The following MAST1 variants were observed in gnomAD, a reference collection of about 807,000 sequenced individuals.
The protein encoded by MAST1 is microtubule associated serine/threonine kinase 1.
Under a neutral mutation model 124.6 loss-of-function variants are expected in MAST1, and 40 were observed. The observed-to-expected ratio is 0.32, with a 90% CI of 0.25 to 0.42. The LOEUF (loss-of-function observed/expected upper bound fraction) is 0.42. Among genes scored for constraint, MAST1 ranks in the 10% least tolerant of loss-of-function variants. The pLI is 1.00. For missense variants in MAST1, 1,558 were observed against 2,181.9 expected, an observed-to-expected ratio of 0.71 and a Z score of 5.70; for synonymous variants, 938 against 939.4, an observed-to-expected ratio of 1.00 and a Z score of 0.03.
rs1372946985 is a variant in MAST1, at chr19:12,838,521, G to GCCGCCT, written c.-46_-41dup. On this transcript the variant is annotated 5_prime_UTR_variant, in exon 1 of 26. Coordinates refer to ENST00000251472, the MANE Select transcript of MAST1 (RefSeq NM_014975.3). The surrounding 1 kb of genome is among the most constrained non-coding windows in gnomAD (Gnocchi z 4.3). ...GCTTGCTCCCCGCGCCGCCGCCGCCGCCGCCTCCGCCGCTGCTGCCGCACC... is the reference window on the plus strand; with the variant it reads ...GCTTGCTCCCCGCGCCGCCGCCGCCGCCGCCTCCGCCTCCGCCGCTGCTGCCGCACC... 3 of 1,358,906 alleles carry GCCGCCT rather than the reference G, an allele frequency of 2.2e-6. No individual in the cohort carries two copies. The highest frequency in any genetic ancestry group is 1.7e-5 in the South Asian group (1 of 60,402). 84.2% of individuals were successfully genotyped at this position (1,358,906 alleles called of 1,614,324 possible). A position where few individuals can be genotyped will look rare whatever the true frequency, so the allele number is the denominator to read the frequency against.
chr19:12,846,870 C>CAAAA (rs386388580), intron 4 of MAST1, among the ~76,000 whole-genome samples: 478 of 46,820 alleles, frequency 0.01, 13 homozygotes, highest in African/African-American at 0.025. Flanking sequence ...AACTCCATCT[C>CAAAA]AAAAAAAAAA....
chr19:12,873,697 G>A lies in MAST1; in HGVS notation c.3540G>A (p.Leu1180=), dbSNP rs1476205697. ...CGCACCACATTCGGCCCAGCACGCT[G>A]CACGGACTGTCGCCAAAGCTCCATC... The part of the protein sequence containing the change: ...SASHHIRPST[L]HGLSPKLHRQ... Residue 1180 remains leucine, a synonymous_variant, in exon 26 of 26, where the codon CTG becomes CTA. Coordinates refer to ENST00000251472, the MANE Select transcript of MAST1 (RefSeq NM_014975.3). 6.2e-7 allele frequency: 1 copy of A among 1,602,052 alleles called. No homozygotes were observed. Among genetic ancestry groups the A allele is most frequent in the Admixed American group, 1.7e-5 (1 of 59,728 alleles).
At position 12,865,823 on chromosome 19, in the gene MAST1, G is replaced by C. The variant is rs1439603003; in HGVS notation, c.1906+5G>C. The stretch of plus-strand genomic sequence containing the variant: ...CTCTGGTCAGGCTTGGGGCAGGTAA[G>C]TCCGCCATGCAGAGGAGCTGAGGGC... On this transcript the variant is annotated splice_donor_5th_base_variant and intron_variant, in intron 16 of 25. Coordinates refer to ENST00000251472, the MANE Select transcript of MAST1 (RefSeq NM_014975.3). The surrounding 1 kb of genome is among the most constrained non-coding windows in gnomAD (Gnocchi z 7.1). The C allele has an allele frequency of 3.7e-6, 6 of 1,612,118 alleles. No homozygotes were observed. The highest frequency in any genetic ancestry group is 1.3e-5 in the African/African-American group (1 of 74,884).
At chr19:12,842,056 T>C (rs1969836034) in intron 3 of MAST1, among the ~76,000 whole-genome samples, 1 of 152,140 alleles carries the variant, frequency 6.6e-6, no homozygotes. Context: ...GGTGTGTGTG[T>C]GTGATTGTCA....
At chr19:12,850,978 C>T (rs1969952406) in intron 7 of MAST1, among the ~76,000 whole-genome samples, 2 of 147,166 alleles carry the variant, frequency 1.4e-5, no homozygotes, top group African/African-American at 2.5e-5. Context: ...GAGACAGTCT[C>T]ACTCTGCTAC....
At chr19:12,871,767 A>T (rs1012223938) in intron 24 of MAST1, among the ~76,000 whole-genome samples, 5 of 151,770 alleles carry the variant, frequency 3.3e-5, no homozygotes, top group Non-Finnish European at 5.9e-5. Flanking sequence ...AACTTAAAAA[A>T]CTAGTTGGGT....
intron 10 of MAST1, among the ~76,000 whole-genome samples, chr19:12,853,114 G>A (rs1969982252): frequency 6.6e-6 from 1 of 150,762 alleles, no homozygotes; most frequent in Non-Finnish European, 1.5e-5. Flanking sequence ...GGGATTACAG[G>A]CATGTAACAC....
At chr19:12,870,983 G>A in intron 23 of MAST1, 37 bp downstream of exon 23, 1 of 1,613,612 alleles carries the variant, frequency 6.2e-7, no homozygotes, top group Non-Finnish European at 8.5e-7. Flanking sequence ...GGCGGAGGGT[G>A]GGGGAGGCCT....
rs557915078 is a variant in MAST1, at chr19:12,867,011, G to A, written c.2139+249G>A. Among the ~76,000 whole-genome samples the A allele has an allele frequency of 1.2e-3, 187 of 151,836 alleles. 1 individual carries two copies. Among genetic ancestry groups the A allele is most frequent in the African/African-American group, 4.4e-3 (182 of 41,378 alleles). ...CAGATTGAGGCCATGGTGGGGCGGG[G>A]CTAGGTGTGGGTGGGGCGGGGTCAG... On this transcript the variant is annotated intron_variant, in intron 18 of 25. Transcript: ENST00000251472.
At position 12,843,915 on chromosome 19, in the gene MAST1, C is replaced by T. The variant is rs1283295467; in HGVS notation, c.327+308C>T. Among the ~76,000 whole-genome samples, 1 of 152,104 alleles carries T rather than the reference C, an allele frequency of 6.6e-6. No individual in the cohort carries two copies. The highest frequency in any genetic ancestry group is 6.6e-5 in the Admixed American group (1 of 15,266). On this transcript the variant is annotated intron_variant, in intron 4 of 25. Coordinates refer to ENST00000251472, the MANE Select transcript of MAST1 (RefSeq NM_014975.3). This position sits in a 1 kb window ranked among gnomAD's most constrained non-coding sequence, Gnocchi z 4.9. ...ATTTGGGAGGCTGAGACGGGAGGATCGCTGGAGTCTGGGAGGTATAGGCTA... is the reference window on the plus strand; with the variant it reads ...ATTTGGGAGGCTGAGACGGGAGGATTGCTGGAGTCTGGGAGGTATAGGCTA...
chr19:12,855,430 T>C (rs1568410536), intron 10 of MAST1, among the ~76,000 whole-genome samples: 1 of 151,918 alleles, frequency 6.6e-6, no homozygotes, highest in Non-Finnish European at 1.5e-5. Flanking sequence ...GAAACCAGTC[T>C]GGACAACATA....
chr19:12,873,219 G>A (rs1230392576), intron 24 of MAST1, 105 bp from the exon 25 acceptor site: 1 of 1,085,002 alleles, frequency 9.2e-7, no homozygotes, highest in Non-Finnish European at 1.3e-6. Context: ...GGAGAGGGAA[G>A]GGCCAGAAGG....
chr19:12,845,803 C>T (rs969127883), intron 4 of MAST1, among the ~76,000 whole-genome samples: 1 of 151,894 alleles, frequency 6.6e-6, no homozygotes, highest in Admixed American at 6.6e-5. Flanking sequence ...ATTACAGGTG[C>T]CCACCACCAT....
intron 4 of MAST1, among the ~76,000 whole-genome samples, chr19:12,844,098 G>A (rs551100774): frequency 2.5e-4 from 38 of 152,326 alleles, no homozygotes; most frequent in African/African-American, 8.4e-4. Flanking sequence ...GCCCCACTCA[G>A]AGCCCAATGC....
intron 12 of MAST1, among the ~76,000 whole-genome samples, chr19:12,859,742 C>G (rs7246686): frequency 6.6e-6 from 1 of 150,766 alleles, no homozygotes; most frequent in Non-Finnish European, 1.5e-5. Context: ...TGCAGTAAGC[C>G]GAGATCGTGC....
chr19:12,862,540 G>A (rs566311621), intron 12 of MAST1, among the ~76,000 whole-genome samples: 118 of 152,202 alleles, frequency 7.8e-4, no homozygotes, highest in African/African-American at 2.7e-3. Context: ...AGTAGCTTAC[G>A]ACTGTAATCC....
rs201211037 is a variant in MAST1 at position 12,850,952 on chromosome 19, C to CT, written c.775-967dup. The stretch of plus-strand genomic sequence containing the variant: ...CAATAAGATATTAGTTTTTTCTTTT[C>CT]TTTTTTTTTTTTTTTGAGACAGTCT... On this transcript the variant is annotated intron_variant, in intron 7 of 25. Coordinates refer to ENST00000251472, the MANE Select transcript of MAST1 (RefSeq NM_014975.3). 2.6e-3 allele frequency among the ~76,000 whole-genome samples: 355 copies of CT among 137,554 alleles called. 1 individual carries two copies. The highest frequency in any genetic ancestry group is 6.2e-3 in the East Asian group (29 of 4,652). 90.2% of individuals were successfully genotyped at this position (137,554 alleles called of 152,430 possible).
Position 12,865,691 on chromosome 19 carries a change from C to T in MAST1, c.1805-26C>T, listed in dbSNP as rs1009872370. On this transcript the variant is annotated intron_variant, in intron 15 of 25. Coordinates refer to ENST00000251472, the MANE Select transcript of MAST1 (RefSeq NM_014975.3). This position sits in a 1 kb window ranked among gnomAD's most constrained non-coding sequence, Gnocchi z 7.1. Reference sequence around the variant, plus strand: ...CAAACAACAACAACAACAAAAACCGCCCCTAAGTTCCGTTTTGTTTTGCAG... The same window carrying T: ...CAAACAACAACAACAACAAAAACCGTCCCTAAGTTCCGTTTTGTTTTGCAG... 1 of 1,580,782 alleles carries T rather than the reference C, an allele frequency of 6.3e-7. No individual in the cohort carries two copies. The highest frequency in any genetic ancestry group is 2.2e-5 in the East Asian group (1 of 44,550).
chr19:12,867,326 T>C (rs940557252), intron 18 of MAST1, 148 bp from the exon 19 acceptor site: 10 of 866,020 alleles, frequency 1.2e-5, no homozygotes, highest in African/African-American at 1.7e-5. Context: ...AACTGAAGAA[T>C]TGTAGGTTGG....
Sources: allele counts gnomAD v4.1 joint callset (sites outside exome capture counted in the v4.1 genomes callset), GRCh38; gene constraint gnomAD v4.1.1; non-coding constraint Gnocchi (gnomAD v3.1); transcripts MANE v1.5; gene names NCBI Gene and HGNC (gene_info 2026-07-23, HGNC 2026-07-21).